GLRA2: variants seen among roughly 807,000 people sequenced by gnomAD.
GLRA2 encodes glycine receptor alpha 2.
Under a neutral mutation model 31.6 loss-of-function variants are expected in GLRA2, and 11 were observed. The observed-to-expected ratio is 0.35, with a 90% CI of 0.22 to 0.58. The LOEUF is 0.58. Among genes scored for constraint, GLRA2 ranks in the 20% least tolerant of loss-of-function variants. The probability of loss-of-function intolerance (pLI) is 0.84; values close to 1 mark genes in which losing one functional copy is unlikely to be tolerated. For missense variants in GLRA2, 212 were observed against 351.8 expected, an observed-to-expected ratio of 0.60 and a Z score of 3.18; for synonymous variants, 132 against 134.0, an observed-to-expected ratio of 0.99 and a Z score of 0.10.
chrX:14,535,428 A>G (rs1385804374), intron 2 of GLRA2, among the ~76,000 whole-genome samples: 1 of 112,029 alleles, frequency 8.9e-6, no homozygotes, highest in Non-Finnish European at 1.9e-5. Context: ...GCTAGAAAAG[A>G]TAACCACCAG....
At chrX:14,471,584 A>G in the GLRA2 span, among the ~76,000 whole-genome samples, 1 of 112,254 alleles carries the variant, frequency 8.9e-6, no homozygotes, top group Non-Finnish European at 1.9e-5. Context: ...AGATTGTCTT[A>G]TTTAACTCTT....
chrX:14,551,903 G>C (rs2089570916), intron 2 of GLRA2, among the ~76,000 whole-genome samples: 2 of 111,965 alleles, frequency 1.8e-5, no homozygotes, highest in African/African-American at 6.5e-5. Flanking sequence ...TCTGGGGGCT[G>C]CTTGCTGGGA....
At chrX:14,500,508 C>T in the GLRA2 span, among the ~76,000 whole-genome samples, 1 of 112,334 alleles carries the variant, frequency 8.9e-6, no homozygotes, top group Non-Finnish European at 1.9e-5. Flanking sequence ...TGGCTATGCT[C>T]AGGGATATTT....
intron 2 of GLRA2, among the ~76,000 whole-genome samples, chrX:14,574,039 C>A (rs1196790947): frequency 9.0e-6 from 1 of 111,156 alleles, no homozygotes; most frequent in Non-Finnish European, 1.9e-5. Flanking sequence ...AATAAAAAAG[C>A]CACCACCCAA....
At chrX:14,474,206 C>A in the GLRA2 span, among the ~76,000 whole-genome samples, 2 of 111,678 alleles carry the variant, frequency 1.8e-5, no homozygotes, top group African/African-American at 3.3e-5. Flanking sequence ...AATTTCCCAA[C>A]TCACCGGGCT....
intron 8 of GLRA2, among the ~76,000 whole-genome samples, chrX:14,711,183 T>A (rs1257779199): frequency 8.9e-6 from 1 of 112,540 alleles, no homozygotes; most frequent in Non-Finnish European, 1.9e-5. Context: ...TCTATTCTTG[T>A]TCCTTTTATG....
At chrX:14,604,047 A>G (rs1240945677) in intron 4 of GLRA2, among the ~76,000 whole-genome samples, 3 of 110,937 alleles carry the variant, frequency 2.7e-5, no homozygotes, top group African/African-American at 9.8e-5. Flanking sequence ...TGAGAACAGC[A>G]CCATTTTGGG....
intron 2 of GLRA2, among the ~76,000 whole-genome samples, chrX:14,553,828 A>G (rs906217348): frequency 8.9e-6 from 1 of 111,915 alleles, no homozygotes; most frequent in African/African-American, 3.2e-5. Flanking sequence ...GTCCTTCTAT[A>G]CTGGCTTCCA....
intron 2 of GLRA2, among the ~76,000 whole-genome samples, chrX:14,553,191 A>G (rs751391983): frequency 1.2e-4 from 14 of 112,165 alleles, no homozygotes; most frequent in Non-Finnish European, 2.3e-4. Flanking sequence ...TCACCTCAAG[A>G]CTGTCTAACA....
At chrX:14,658,025 G>C in intron 7 of GLRA2, among the ~76,000 whole-genome samples, 1 of 111,520 alleles carries the variant, frequency 9.0e-6, no homozygotes, top group Non-Finnish European at 1.9e-5. Context: ...ATAGACATTA[G>C]GCAACTTGTC....
intron 7 of GLRA2, among the ~76,000 whole-genome samples, chrX:14,687,963 G>A (rs957941439): frequency 8.9e-6 from 1 of 112,058 alleles, no homozygotes; most frequent in East Asian, 2.8e-4. Flanking sequence ...TGATGGTGAC[G>A]TACAGATGGG....
At chrX:14,723,589 G>A (rs779522189) in intron 8 of GLRA2, among the ~76,000 whole-genome samples, 4 of 111,692 alleles carry the variant, frequency 3.6e-5, no homozygotes, top group Non-Finnish European at 5.6e-5. Context: ...TCAGACACTG[G>A]TTTACAGGGC....
At chrX:14,653,883 G>A (rs1033609780) in intron 7 of GLRA2, among the ~76,000 whole-genome samples, 1 of 112,241 alleles carries the variant, frequency 8.9e-6, no homozygotes, top group Admixed American at 9.4e-5. Context: ...CCAGCGAATT[G>A]GGAGGCTAAG....
chrX:14,504,924 T>C, the GLRA2 span, among the ~76,000 whole-genome samples: 1 of 111,811 alleles, frequency 8.9e-6, no homozygotes, highest in Non-Finnish European at 1.9e-5. Context: ...AGTCTGAGTA[T>C]GGGTCTAGGA....
At chrX:14,561,514 G>A (rs2089733234) in intron 2 of GLRA2, among the ~76,000 whole-genome samples, 1 of 112,315 alleles carries the variant, frequency 8.9e-6, no homozygotes, top group Admixed American at 9.4e-5. Context: ...GCAGAATTGA[G>A]TAGTTATGAC....
intron 4 of GLRA2, among the ~76,000 whole-genome samples, chrX:14,583,468 G>A (rs1346338904): frequency 4.4e-5 from 5 of 112,730 alleles, no homozygotes; most frequent in East Asian, 2.8e-4. Flanking sequence ...GCTGGGCGCC[G>A]TGGGTCACGC....
the GLRA2 span, among the ~76,000 whole-genome samples, chrX:14,512,855 A>G: frequency 8.9e-6 from 1 of 111,769 alleles, no homozygotes; most frequent in Non-Finnish European, 1.9e-5. Context: ...CAATGTACAC[A>G]TTCAATGCAA....
At chrX:14,616,713 T>C (rs1216435554) in intron 7 of GLRA2, among the ~76,000 whole-genome samples, 3 of 112,129 alleles carry the variant, frequency 2.7e-5, no homozygotes, top group Admixed American at 1.9e-4. Context: ...GATTGCTCCT[T>C]GAATCAGGTA....
intron 2 of GLRA2, among the ~76,000 whole-genome samples, chrX:14,555,264 A>C: frequency 8.9e-6 from 1 of 112,206 alleles, no homozygotes; most frequent in Non-Finnish European, 1.9e-5. Flanking sequence ...GAAAAGAAGT[A>C]GCTGATATTT....
Sources: allele counts gnomAD v4.1 joint callset (sites outside exome capture counted in the v4.1 genomes callset), GRCh38; gene constraint gnomAD v4.1.1; transcripts MANE v1.5; gene names NCBI Gene and HGNC (gene_info 2026-07-23, HGNC 2026-07-21).